Variants in NEK5 observed in about 807,000 individuals in gnomAD.
NEK5 encodes the protein serine/threonine-protein kinase Nek5.
NEK5 carries 88 observed loss-of-function variants against 109.2 expected under a neutral mutation model. The observed-to-expected ratio is 0.81, with a 90% CI of 0.68 to 0.96. The LOEUF (loss-of-function observed/expected upper bound fraction) is 0.96, where lower values mean the gene tolerates loss of function less well. Among genes scored for constraint, NEK5 ranks in the 40% least tolerant of loss-of-function variants. NEK5 has a pLI of 0.00. For synonymous variants in NEK5, 283 were observed against 299.9 expected, an observed-to-expected ratio of 0.94 and a Z score of 0.58; for missense variants, 834 against 920.7, an observed-to-expected ratio of 0.91 and a Z score of 1.22.
intron 14 of NEK5, among the ~76,000 whole-genome samples, chr13:52,088,925 T>C (rs1955213763): frequency 6.6e-6 from 1 of 151,864 alleles, no homozygotes; most frequent in Non-Finnish European, 1.5e-5. Context: ...ACCCTGTCTC[T>C]ACTAAAAATA....
At position 52,072,001 on chromosome 13, in the gene NEK5, T is replaced by A; in HGVS notation, c.1792A>T (p.Lys598Ter). ...GMKFKEYECVKEHGDYTDKAF... is the reference protein window; with the variant it reads ...GMKFKEYECV ...TTGTCTGTATAATCTCCATGCTCCT[T>A]TACACATTCATATTCCTTAAACTTC... Residue 598 changes from lysine (K) to a stop codon, truncating the protein, a stop_gained, in exon 20 of 24, where the codon AAG becomes TAG. Transcript: ENST00000684899. LOFTEE classifies it high-confidence loss of function. 6.2e-7 allele frequency: 1 copy of A among 1,611,164 alleles called. No individual in the cohort carries two copies. Among genetic ancestry groups the A allele is most frequent in the Non-Finnish European group, 8.5e-7 (1 of 1,177,334 alleles).
intron 22 of NEK5, among the ~76,000 whole-genome samples, chr13:52,057,783 G>A (rs553517267): frequency 3.4e-3 from 519 of 152,074 alleles, no homozygotes; most frequent in Admixed American, 6.4e-3. Context: ...AATAAATTAG[G>A]TATTGATGGG....
At chr13:52,050,605 C>A (rs1399572365) in intron 22 of NEK5, among the ~76,000 whole-genome samples, 1 of 128,390 alleles carries the variant, frequency 7.8e-6, no homozygotes, top group Non-Finnish European at 1.6e-5. Flanking sequence ...ACACACACAC[C>A]TTCATCTTTT....
chr13:52,037,909 CGA>C (rs1211671332), intron 23 of NEK5, among the ~76,000 whole-genome samples: 2 of 139,820 alleles, frequency 1.4e-5, no homozygotes, highest in East Asian at 4.4e-4. Flanking sequence ...GGCGACAGAG[CGA>C]GACTCCGTCT....
chr13:52,053,756 T>A (rs1002198672), intron 22 of NEK5, among the ~76,000 whole-genome samples: 1 of 152,152 alleles, frequency 6.6e-6, no homozygotes, highest in African/African-American at 2.4e-5. Context: ...TCGCCCCACA[T>A]ACCCTCCATA....
rs1238589156 is a variant in NEK5 at position 52,102,161 on chromosome 13, T to C, written c.741A>G (p.Arg247=). ...SQLFQVSPRD[R]PSINSILKRP... The stretch of plus-strand genomic sequence containing the variant: ...TTTTCAAAATGGAATTTATGGATGG[T>C]CGGTCTCGAGGAGATACTTGAAAGA... The change falls in exon 10 of 24, where the codon CGA becomes CGG. Residue 247 remains arginine (R), a synonymous_variant. Coordinates refer to ENST00000684899, the MANE Select transcript of NEK5 (RefSeq NM_001365552.1). The C allele has an allele frequency of 6.2e-7, 1 of 1,613,826 alleles. No homozygotes were observed. The highest frequency in any genetic ancestry group is 1.3e-5 in the African/African-American group (1 of 74,880).
chr13:52,106,367 C>T (rs1955655681), intron 8 of NEK5, among the ~76,000 whole-genome samples: 1 of 152,120 alleles, frequency 6.6e-6, no homozygotes, highest in Admixed American at 6.5e-5. Context: ...TCTTCCTTAT[C>T]GCCAACTTGT....
chr13:52,075,978 GA>G, intron 18 of NEK5, 84 bp downstream of exon 18: 1 of 968,842 alleles, frequency 1.0e-6, no homozygotes, highest in Non-Finnish European at 1.6e-6. Flanking sequence ...ATACTAGGGG[GA>G]AAATCATGCA....
At chr13:52,075,723 T>C (rs371025367) in intron 19 of NEK5, 35 bp downstream of exon 19, 1 of 1,249,912 alleles carries the variant, frequency 8.0e-7, no homozygotes, top group Non-Finnish European at 1.1e-6. Flanking sequence ...CATTTTCTGA[T>C]ACCTACTAAT....
chr13:52,093,642 T>C (rs573462920), intron 12 of NEK5, among the ~76,000 whole-genome samples: 34 of 152,136 alleles, frequency 2.2e-4, no homozygotes, highest in Non-Finnish European at 4.1e-4. Context: ...TGAAGGTGTA[T>C]TTTTGCTGTT....
intron 5 of NEK5, among the ~76,000 whole-genome samples, chr13:52,110,858 A>T (rs1004853321): frequency 2.6e-5 from 4 of 152,210 alleles, no homozygotes; most frequent in African/African-American, 9.6e-5. Flanking sequence ...GAAGCAAGGG[A>T]AAGAGGCATG....
intron 14 of NEK5, among the ~76,000 whole-genome samples, chr13:52,088,186 C>T (rs958883148): frequency 6.6e-6 from 1 of 152,082 alleles, no homozygotes; most frequent in Non-Finnish European, 1.5e-5. Flanking sequence ...ACCTCAGCCT[C>T]CCAAAGTGCT....
intron 23 of NEK5, among the ~76,000 whole-genome samples, chr13:52,045,130 C>CT (rs374051509): frequency 0.53 from 58,082 of 108,738 alleles, 17,968 homozygotes; most frequent in Non-Finnish European, 0.65. Flanking sequence ...AATAAAAAAT[C>CT]TTTTTTTTTT....
intron 22 of NEK5, among the ~76,000 whole-genome samples, chr13:52,059,216 C>T (rs1454779728): frequency 8.8e-5 from 5 of 56,598 alleles, no homozygotes; most frequent in African/African-American, 3.5e-4. Context: ...CTCACCATCA[C>T]TGGCCATCAG....
chr13:52,052,295 T>C (rs1954512634), intron 22 of NEK5, among the ~76,000 whole-genome samples: 1 of 152,198 alleles, frequency 6.6e-6, no homozygotes, highest in African/African-American at 2.4e-5. Context: ...ATAAACTTTC[T>C]AAATTGAGAC....
At chr13:52,070,759 A>G (rs1954771257) in intron 20 of NEK5, among the ~76,000 whole-genome samples, 1 of 152,242 alleles carries the variant, frequency 6.6e-6, no homozygotes, top group Admixed American at 6.5e-5. Context: ...TGAAGGGGAA[A>G]TACTAGAGAA....
intron 13 of NEK5, among the ~76,000 whole-genome samples, chr13:52,089,795 G>A (rs2137918482): frequency 6.6e-6 from 1 of 152,106 alleles, no homozygotes; most frequent in Non-Finnish European, 1.5e-5. Flanking sequence ...AGATCAGCCT[G>A]GCCAACATGG....
At chr13:52,037,562 A>C (rs1394906719) in intron 23 of NEK5, among the ~76,000 whole-genome samples, 1 of 152,198 alleles carries the variant, frequency 6.6e-6, no homozygotes, top group African/African-American at 2.4e-5. Context: ...TATTCCACTT[A>C]ATACTAACAA....
chr13:52,125,500 T>A (rs578010815), intron 3 of NEK5, among the ~76,000 whole-genome samples: 1 of 152,266 alleles, frequency 6.6e-6, no homozygotes, highest in African/African-American at 2.4e-5. Flanking sequence ...GAGGCAGAGC[T>A]TGCAGTGAGC....
Sources: gnomAD v4.1 joint callset for allele counts (sites outside exome capture counted in the v4.1 genomes callset) on GRCh38, gnomAD v4.1.1 for gene constraint, MANE v1.5 for transcripts, NCBI Gene and HGNC (gene_info 2026-07-23, HGNC 2026-07-21) for gene names.